Variants in KSR2 observed in about 807,000 individuals in gnomAD.
The protein encoded by KSR2 is kinase suppressor of ras 2.
KSR2 carries 25 observed loss-of-function variants against 107.8 expected under a neutral mutation model. That is an observed-to-expected ratio of 0.23 (90% CI 0.17 to 0.32). KSR2 has a LOEUF of 0.32. Among genes scored for constraint, KSR2 ranks in the 10% least tolerant of loss-of-function variants. The pLI is 1.00. For missense variants in KSR2, 887 were observed against 1,268.9 expected, an observed-to-expected ratio of 0.70 and a Z score of 4.57; for synonymous variants, 480 against 507.0, an observed-to-expected ratio of 0.95 and a Z score of 0.71.
chr12:117,477,470 C>T (rs1184329519), intron 16 of KSR2, among the ~76,000 whole-genome samples: 1 of 152,164 alleles, frequency 6.6e-6, no homozygotes, highest in Non-Finnish European at 1.5e-5. Context: ...CTGGAGCTTG[C>T]ACTTTAGTAG....
intron 3 of KSR2, among the ~76,000 whole-genome samples, chr12:117,830,673 G>A (rs904849472): frequency 9.2e-5 from 14 of 152,152 alleles, no homozygotes; most frequent in African/African-American, 3.1e-4. Flanking sequence ...CAGACCTCAA[G>A]CCTCAAGCCC....
chr12:117,487,028 T>G (rs1872503789), intron 14 of KSR2, among the ~76,000 whole-genome samples: 1 of 152,030 alleles, frequency 6.6e-6, no homozygotes. Flanking sequence ...TCAGTTTTAT[T>G]ATCTGCAAAA....
chr12:117,762,595 G>A (rs1291004754), intron 3 of KSR2, among the ~76,000 whole-genome samples: 1 of 152,166 alleles, frequency 6.6e-6, no homozygotes, highest in Admixed American at 6.5e-5. Flanking sequence ...GCTGGGCACG[G>A]AGGCTCACAC....
intron 4 of KSR2, among the ~76,000 whole-genome samples, chr12:117,753,250 C>A (rs557605305): frequency 6.6e-6 from 1 of 152,284 alleles, no homozygotes; most frequent in Admixed American, 6.5e-5. Context: ...CCCTAACCTC[C>A]AGTGAAATTT....
At chr12:117,961,865 G>C (rs576479043) in intron 1 of KSR2, among the ~76,000 whole-genome samples, 5 of 152,308 alleles carry the variant, frequency 3.3e-5, no homozygotes, top group African/African-American at 1.2e-4. Flanking sequence ...ATGATGGGAG[G>C]CCAGGCGTGG....
intron 7 of KSR2, among the ~76,000 whole-genome samples, chr12:117,561,306 G>A (rs750972112): frequency 6.6e-6 from 1 of 152,214 alleles, no homozygotes; most frequent in African/African-American, 2.4e-5. Flanking sequence ...ACATTTGGAA[G>A]TGCTGTTGGT....
chr12:117,491,567 T>C (rs549255465), intron 14 of KSR2, among the ~76,000 whole-genome samples: 1 of 152,332 alleles, frequency 6.6e-6, no homozygotes, highest in East Asian at 1.9e-4. Context: ...AGGATTTCCT[T>C]CTTTTTTTAA....
intron 1 of KSR2, 107 bp from the exon 2 acceptor site, chr12:117,860,538 T>C: frequency 3.7e-6 from 4 of 1,073,190 alleles, no homozygotes; most frequent in South Asian, 1.7e-5. Context: ...GCCAACTCTA[T>C]TTTAAAGACT....
chr12:117,897,600 C>T lies in KSR2; in HGVS notation c.181-37169G>A, dbSNP rs919015279. Among the ~76,000 whole-genome samples the T allele has an allele frequency of 2.0e-5, 3 of 151,928 alleles. No homozygotes were observed. Among genetic ancestry groups the T allele is most frequent in the Non-Finnish European group, 2.9e-5 (2 of 67,994 alleles). On this transcript the variant is annotated intron_variant, in intron 1 of 19. Coordinates refer to ENST00000339824, the MANE Select transcript of KSR2 (RefSeq NM_173598.6). This position sits in a 1 kb window ranked among gnomAD's most constrained non-coding sequence, Gnocchi z 4.5. ...TTGAGGTAACAATGGCCTTCTGGAG[C>T]GGGGAAGGAAAATTCTCCCCCTGTG...
intron 5 of KSR2, among the ~76,000 whole-genome samples, chr12:117,589,014 A>G (rs953671354): frequency 1.3e-5 from 2 of 152,248 alleles, no homozygotes; most frequent in Admixed American, 6.5e-5. Flanking sequence ...AAGGAAAGTA[A>G]GGATAACTAA....
chr12:117,858,058 C>A (rs1378653945), intron 2 of KSR2, among the ~76,000 whole-genome samples: 1 of 152,182 alleles, frequency 6.6e-6, no homozygotes, highest in African/African-American at 2.4e-5. Context: ...GTCAACATTT[C>A]TGATTTTGTA....
intron 4 of KSR2, among the ~76,000 whole-genome samples, chr12:117,745,488 C>T (rs1233006058): frequency 6.6e-6 from 1 of 152,024 alleles, no homozygotes; most frequent in Non-Finnish European, 1.5e-5. Flanking sequence ...ATTCAAACAA[C>T]TCAATAGCAA....
intron 1 of KSR2, among the ~76,000 whole-genome samples, chr12:117,873,785 C>G (rs1389682785): frequency 6.6e-6 from 1 of 152,064 alleles, no homozygotes; most frequent in East Asian, 1.9e-4. Context: ...ATACAGACAA[C>G]AAGGGATACA....
At position 117,717,708 on chromosome 12, in the gene KSR2, T is replaced by TGCGC. The variant is rs1175850914; in HGVS notation, c.986+43302_986+43303insGCGC. 2.5e-4 allele frequency among the ~76,000 whole-genome samples: 23 copies of TGCGC among 90,340 alleles called. 1 individual carries two copies. Among genetic ancestry groups the TGCGC allele is most frequent in the African/African-American group, 8.2e-4 (21 of 25,566 alleles). 59.3% of individuals were successfully genotyped at this position (90,340 alleles called of 152,430 possible). On this transcript the variant is annotated intron_variant, in intron 4 of 19. Coordinates refer to ENST00000339824, the MANE Select transcript of KSR2 (RefSeq NM_173598.6). ...GTGTGTGTGTGTGTGTGTGTGTGTGTGTGTGCATGCGCGCGCGTGCATGCA... is the reference window on the plus strand; with the variant it reads ...GTGTGTGTGTGTGTGTGTGTGTGTGTGCGCGTGTGCATGCGCGCGCGTGCATGCA...
At chr12:117,690,828 G>C (rs1885782093) in intron 4 of KSR2, among the ~76,000 whole-genome samples, 1 of 152,188 alleles carries the variant, frequency 6.6e-6, no homozygotes, top group African/African-American at 2.4e-5. Flanking sequence ...GGCTCACACT[G>C]TGGTACTTCA....
At chr12:117,535,416 T>G (rs1180096202) in intron 10 of KSR2, among the ~76,000 whole-genome samples, 1 of 151,954 alleles carries the variant, frequency 6.6e-6, no homozygotes, top group Non-Finnish European at 1.5e-5. Flanking sequence ...GTAAACCAGA[T>G]CATGGCACAG....
chr12:117,510,014 G>A (rs1873931295), intron 14 of KSR2, among the ~76,000 whole-genome samples: 1 of 152,164 alleles, frequency 6.6e-6, no homozygotes, highest in African/African-American at 2.4e-5. Context: ...ACACTTCCCT[G>A]GAGACTACAG....
chr12:117,900,205 T>C (rs1227849601), intron 1 of KSR2, among the ~76,000 whole-genome samples: 1 of 152,216 alleles, frequency 6.6e-6, no homozygotes, highest in Non-Finnish European at 1.5e-5. Context: ...CAGAGGCCCT[T>C]GACTACTTAT....
intron 14 of KSR2, among the ~76,000 whole-genome samples, chr12:117,509,499 C>T (rs1873902819): frequency 6.6e-6 from 1 of 152,224 alleles, no homozygotes; most frequent in Admixed American, 6.5e-5. Flanking sequence ...CCAGCTGAGC[C>T]TAGCAACTGC....
Sources: gnomAD v4.1 joint callset for allele counts (sites outside exome capture counted in the v4.1 genomes callset) on GRCh38, gnomAD v4.1.1 for gene constraint, Gnocchi (gnomAD v3.1) non-coding constraint, MANE v1.5 for transcripts, NCBI Gene and HGNC (gene_info 2026-07-23, HGNC 2026-07-21) for gene names.